The following PRLR variants were observed in gnomAD, a reference collection of about 807,000 sequenced individuals.
PRLR encodes the protein prolactin receptor.
A neutral mutation model predicts 40.2 loss-of-function variants in PRLR; 13 were observed. The observed-to-expected ratio is 0.32, with a 90% CI of 0.21 to 0.51. PRLR has a LOEUF of 0.51. PRLR is among the 20% of genes least tolerant of loss of function. The pLI is 0.97. For synonymous variants in PRLR, 269 were observed against 278.7 expected, an observed-to-expected ratio of 0.97 and a Z score of 0.35; for missense variants, 656 against 747.3, an observed-to-expected ratio of 0.88 and a Z score of 1.42.
Position 35,086,985 on chromosome 5 carries a change from T to C in PRLR, c.71-645A>G, listed in dbSNP as rs1326904981. On this transcript the variant is annotated intron_variant, in intron 3 of 9. Coordinates refer to ENST00000618457, the MANE Select transcript of PRLR (RefSeq NM_000949.7). ...CCCATCTTCTCCTTTCCTTCCCCTT[T>C]CCCTTCACTTTTTCTTGATTTTTTT... Among the ~76,000 whole-genome samples the C allele has an allele frequency of 3.3e-5, 5 of 152,000 alleles. No individual in the cohort carries two copies. In the East Asian group the frequency reaches 7.7e-4, roughly 24 times the overall value.
chr5:35,059,267 T>C lies in PRLR; in HGVS notation c.*5822A>G, dbSNP rs527770375. On this transcript the variant is annotated 3_prime_UTR_variant, in exon 10 of 10. Transcript: ENST00000618457. ...ATGATCTGAGAGTTAATTAATAGAC[T>C]AAGATTATCTGTGGTCTATTTATTG... 30 of 152,308 alleles carry C rather than the reference T, an allele frequency of 2.0e-4. No individual in the cohort carries two copies. The highest frequency in any genetic ancestry group is 7.2e-4 in the African/African-American group (30 of 41,580). 9.4% of individuals were successfully genotyped at this position (152,308 alleles called of 1,614,324 possible).
intron 1 of PRLR, among the ~76,000 whole-genome samples, chr5:35,165,490 A>T (rs1774797130): frequency 6.6e-6 from 1 of 152,240 alleles, no homozygotes; most frequent in African/African-American, 2.4e-5. Flanking sequence ...AGGTGTTCTC[A>T]GGAAGTAGAA....
intron 5 of PRLR, chr5:35,081,774 CACAA>C (rs1220012279): frequency 2.2e-4 from 28 of 129,682 alleles, no homozygotes; most frequent in Non-Finnish European, 3.0e-4. Context: ...TAAGGCAATA[CACAA>C]ACACACACAC....
chr5:35,202,398 T>A (rs984001716), intron 1 of PRLR, among the ~76,000 whole-genome samples: 3 of 152,226 alleles, frequency 2.0e-5, no homozygotes, highest in Admixed American at 2.0e-4. Flanking sequence ...CTGTCACTTC[T>A]TCTCCTTGTG....
intron 1 of PRLR, among the ~76,000 whole-genome samples, chr5:35,168,840 A>G (rs781141947): frequency 3.3e-5 from 5 of 152,220 alleles, no homozygotes; most frequent in Middle Eastern, 6.8e-3. Flanking sequence ...ACAAGTTCTA[A>G]CTTTATTTAC....
chr5:35,156,127 T>TAAAAAAAAAAAA (rs765998296), intron 1 of PRLR, among the ~76,000 whole-genome samples: 2 of 103,816 alleles, frequency 1.9e-5, no homozygotes, highest in African/African-American at 7.4e-5. Context: ...TTGCTCAAGA[T>TAAAAAAAAAAAA]AAAAAAAAAA....
chr5:35,176,510 C>A (rs1429677644), intron 1 of PRLR, among the ~76,000 whole-genome samples: 2 of 152,278 alleles, frequency 1.3e-5, no homozygotes, highest in African/African-American at 2.4e-5. Context: ...TAATCTATAA[C>A]CTTACCCCCA....
chr5:35,130,061 C>G (rs961397518), intron 1 of PRLR, among the ~76,000 whole-genome samples: 2 of 152,096 alleles, frequency 1.3e-5, no homozygotes, highest in Non-Finnish European at 2.9e-5. Flanking sequence ...CTCCTGGCAC[C>G]GAATATCCTC....
At chr5:35,076,102 A>G (rs1426007973) in intron 5 of PRLR, among the ~76,000 whole-genome samples, 2 of 152,230 alleles carry the variant, frequency 1.3e-5, no homozygotes, top group Non-Finnish European at 2.9e-5. Flanking sequence ...CAGAGCAGAA[A>G]AGCTGAACAT....
intron 2 of PRLR, among the ~76,000 whole-genome samples, chr5:35,110,673 T>C (rs1772602349): frequency 6.6e-6 from 1 of 152,190 alleles, no homozygotes; most frequent in African/African-American, 2.4e-5. Context: ...TTCCTCAAAG[T>C]CAACCCCATG....
chr5:35,116,390 A>T (rs566136510), intron 2 of PRLR, among the ~76,000 whole-genome samples: 1 of 152,202 alleles, frequency 6.6e-6, no homozygotes, highest in Non-Finnish European at 1.5e-5. Flanking sequence ...TTAAAATTAT[A>T]TAAAGTGAAG....
rs762798356 is a variant in PRLR at position 35,065,547 on chromosome 5, C to T, written c.1411G>A (p.Gly471Arg). ...ACCTCCCTCTGCTGGGTTGCCTTTC[C>T]CTCTTCTCTAGACTTAATGGTTTGA... ...SSQTIKSREE[G>R]KATQQREVES... is the part of the protein sequence containing the mutation. Residue 471 changes from glycine to arginine, a missense_variant, in exon 10 of 10, where the codon GGA becomes AGA. Physicochemically the swap from Gly to Arg is moderately radical, Grantham distance 125 (BLOSUM62 -2). Coordinates refer to ENST00000618457, the MANE Select transcript of PRLR (RefSeq NM_000949.7). The T allele has an allele frequency of 9.3e-6, 15 of 1,613,988 alleles. No individual in the cohort carries two copies. The highest frequency in any genetic ancestry group is 1.6e-4 in the Middle Eastern group (1 of 6,084).
intron 1 of PRLR, among the ~76,000 whole-genome samples, chr5:35,159,913 C>G (rs1774626766): frequency 6.6e-6 from 1 of 152,092 alleles, no homozygotes; most frequent in Non-Finnish European, 1.5e-5. Context: ...TTTAGTCATA[C>G]CTAGAATGAC....
intron 5 of PRLR, among the ~76,000 whole-genome samples, chr5:35,078,352 T>C (rs1036574045): frequency 7.9e-5 from 12 of 151,794 alleles, no homozygotes; most frequent in African/African-American, 2.7e-4. Context: ...ATACATGCAA[T>C]AAAAAATGAT....
downstream of PRLR, among the ~76,000 whole-genome samples, chr5:35,051,353 C>T (rs1015514699): frequency 7.2e-5 from 11 of 152,224 alleles, no homozygotes; most frequent in African/African-American, 2.7e-4. Context: ...ATGGGAGATC[C>T]TGAAAATACA....
At chr5:35,175,223 T>C (rs1348005627) in intron 1 of PRLR, among the ~76,000 whole-genome samples, 3 of 152,166 alleles carry the variant, frequency 2.0e-5, no homozygotes, top group African/African-American at 7.2e-5. Flanking sequence ...GGCGGGTATT[T>C]CCCATGCTGT....
chr5:35,069,585 T>A (rs1455167378), intron 7 of PRLR, among the ~76,000 whole-genome samples: 1 of 152,118 alleles, frequency 6.6e-6, no homozygotes, highest in Non-Finnish European at 1.5e-5. Flanking sequence ...CCTGGGAGGG[T>A]TGGGAGGACC....
chr5:35,192,464 C>T (rs568550379), intron 1 of PRLR, among the ~76,000 whole-genome samples: 7 of 152,026 alleles, frequency 4.6e-5, no homozygotes, highest in Non-Finnish European at 7.4e-5. Flanking sequence ...AGAAAGAAAG[C>T]GTGTAGGGTA....
Position 35,058,873 on chromosome 5 carries a change from A to C in PRLR, c.*6216T>G, listed in dbSNP as rs1410918434. On this transcript the variant is annotated 3_prime_UTR_variant, in exon 10 of 10. Coordinates refer to ENST00000618457, the MANE Select transcript of PRLR (RefSeq NM_000949.7). ...TATGCCACCGAAAACCAGTCAAAGCATGAGACATGACATCTTTCATTTCTA... is the reference window on the plus strand; with the variant it reads ...TATGCCACCGAAAACCAGTCAAAGCCTGAGACATGACATCTTTCATTTCTA... 1 of 152,238 alleles carries C rather than the reference A, an allele frequency of 6.6e-6. No homozygotes were observed. The highest frequency in any genetic ancestry group is 2.4e-5 in the African/African-American group (1 of 41,466). 9.4% of individuals were successfully genotyped at this position (152,238 alleles called of 1,614,324 possible). A position where few individuals can be genotyped will look rare whatever the true frequency, so the allele number is the denominator to read the frequency against.
Sources: gnomAD v4.1 joint callset for allele counts (sites outside exome capture counted in the v4.1 genomes callset) on GRCh38, gnomAD v4.1.1 for gene constraint, MANE v1.5 for transcripts, NCBI Gene and HGNC (gene_info 2026-07-23, HGNC 2026-07-21) for gene names.